Variants in SPIDR observed in about 807,000 individuals in gnomAD.
SPIDR encodes scaffold protein involved in DNA repair.
A neutral mutation model predicts 104.6 loss-of-function variants in SPIDR; 93 were observed. The ratio of observed to expected loss-of-function variants is 0.89; its 90% CI spans 0.75 to 1.06. SPIDR has a LOEUF of 1.06. Among genes scored for constraint, SPIDR ranks in the 50% least tolerant of loss-of-function variants. SPIDR has a pLI of 0.00. For synonymous variants in SPIDR, 431 were observed against 416.9 expected, an observed-to-expected ratio of 1.03 and a Z score of -0.41; for missense variants, 1,154 against 1,111.2, an observed-to-expected ratio of 1.04 and a Z score of -0.55.
chr8:47,698,179 C>T (rs528639864), intron 11 of SPIDR, among the ~76,000 whole-genome samples: 2 of 152,174 alleles, frequency 1.3e-5, no homozygotes, highest in African/African-American at 4.8e-5. Flanking sequence ...GTTTATTAAT[C>T]TTTGAAAAGA....
At position 47,396,356 on chromosome 8, in the gene SPIDR, T is replaced by G; in HGVS notation, c.526-20T>G. 2.6e-6 allele frequency: 4 copies of G among 1,551,192 alleles called. No homozygotes were observed. Among genetic ancestry groups the G allele is most frequent in the Non-Finnish European group, 3.5e-6 (4 of 1,128,112 alleles). On this transcript the variant is annotated intron_variant, in intron 5 of 19. Coordinates refer to ENST00000297423, the MANE Select transcript of SPIDR (RefSeq NM_001080394.4). The stretch of plus-strand genomic sequence containing the variant: ...ATCCTTTGTATTTAAAAATATGCCT[T>G]TCTTTTAATTTTTTTTCAGCCAAGT...
intron 8 of SPIDR, among the ~76,000 whole-genome samples, chr8:47,563,796 A>G (rs1393768730): frequency 6.6e-6 from 1 of 152,178 alleles, no homozygotes; most frequent in African/African-American, 2.4e-5. Context: ...TAAGTCAGGT[A>G]TTTGAGTTAT....
At chr8:47,582,869 CAT>C (rs58837046) in intron 8 of SPIDR, among the ~76,000 whole-genome samples, 1,617 of 124,926 alleles carry the variant, frequency 0.013, 17 homozygotes, top group Middle Eastern at 0.035. Flanking sequence ...CACACACACA[CAT>C]ATTTTTAAAA....
intron 1 of SPIDR, among the ~76,000 whole-genome samples, chr8:47,269,868 T>G (rs2034930848): frequency 6.6e-6 from 1 of 152,236 alleles, no homozygotes; most frequent in Non-Finnish European, 1.5e-5. Flanking sequence ...TACTGTGGAA[T>G]AGTTGTTGGC....
At chr8:47,588,939 T>G (rs1413445888) in intron 8 of SPIDR, among the ~76,000 whole-genome samples, 1 of 152,152 alleles carries the variant, frequency 6.6e-6, no homozygotes, top group African/African-American at 2.4e-5. Context: ...ATAACTTCTT[T>G]TATACATTGC....
chr8:47,271,022 T>C (rs1405553282), intron 1 of SPIDR, among the ~76,000 whole-genome samples: 1 of 152,228 alleles, frequency 6.6e-6, no homozygotes, highest in Non-Finnish European at 1.5e-5. Context: ...TAATGTGTAT[T>C]CTGCTGTTCC....
chr8:47,735,129 T>G (rs990346458), intron 19 of SPIDR, among the ~76,000 whole-genome samples, 178 bp from the exon 20 acceptor site: 1 of 150,824 alleles, frequency 6.6e-6, no homozygotes, highest in African/African-American at 2.5e-5. Flanking sequence ...TGTGTGTGTG[T>G]GTGTGTAGTG....
chr8:47,614,197 T>G (rs6989917), intron 10 of SPIDR, among the ~76,000 whole-genome samples: 69,781 of 151,872 alleles, frequency 0.46, 19,086 homozygotes, highest in East Asian at 0.66. Flanking sequence ...GCAAAGGACA[T>G]GATCTCGTTC....
At chr8:47,659,234 G>C (rs2073588574) in intron 10 of SPIDR, among the ~76,000 whole-genome samples, 2 of 152,170 alleles carry the variant, frequency 1.3e-5, no homozygotes, top group South Asian at 4.1e-4. Context: ...ACTCCAGCCT[G>C]GGAGACGGAG....
chr8:47,684,292 A>G (rs994760756), intron 11 of SPIDR, among the ~76,000 whole-genome samples: 3 of 152,170 alleles, frequency 2.0e-5, no homozygotes, highest in African/African-American at 7.2e-5. Context: ...CACATAACCA[A>G]GGAACACAGT....
intron 8 of SPIDR, among the ~76,000 whole-genome samples, chr8:47,474,723 G>GT (rs1172349745): frequency 6.6e-6 from 1 of 152,204 alleles, no homozygotes; most frequent in African/African-American, 2.4e-5. Flanking sequence ...AATCCTAAGG[G>GT]TTTTTTAAAG....
At chr8:47,352,231 C>T (rs753768305) in intron 5 of SPIDR, among the ~76,000 whole-genome samples, 9 of 150,334 alleles carry the variant, frequency 6.0e-5, no homozygotes, top group South Asian at 2.1e-4. Flanking sequence ...GAGCCAAGAT[C>T]GCGCTACTAC....
chr8:47,279,941 C>G lies in SPIDR; in HGVS notation c.113C>G (p.Thr38Arg). ...CAGGTCAGAAGAGCAGGTCTCAGGA[C>G]AGCAGGGGCAGCTGCCTCTCTCTCT... ...PLQVRRAGLRTAGAAASLSEA... is the reference protein window; with the variant it reads ...PLQVRRAGLRRAGAAASLSEA... The change falls in exon 2 of 20, where the codon ACA (threonine) becomes AGA (arginine). Residue 38 changes from threonine to arginine, a missense_variant. Coordinates refer to ENST00000297423, the MANE Select transcript of SPIDR (RefSeq NM_001080394.4). The G allele has an allele frequency of 5.6e-6, 9 of 1,614,156 alleles. No homozygotes were observed. The highest frequency in any genetic ancestry group is 7.6e-6 in the Non-Finnish European group (9 of 1,180,010).
intron 8 of SPIDR, among the ~76,000 whole-genome samples, chr8:47,476,017 C>G (rs1256704929): frequency 2.0e-5 from 3 of 152,128 alleles, no homozygotes; most frequent in Non-Finnish European, 4.4e-5. Context: ...GTTTTTCTTA[C>G]AGAAATTGTT....
intron 10 of SPIDR, among the ~76,000 whole-genome samples, chr8:47,671,088 A>G (rs1300832265): frequency 1.3e-5 from 2 of 151,772 alleles, no homozygotes; most frequent in African/African-American, 2.4e-5. Context: ...TTTTTTATTT[A>G]TTGTAGAGAC....
intron 1 of SPIDR, among the ~76,000 whole-genome samples, chr8:47,263,509 C>T (rs1315931601): frequency 2.6e-5 from 4 of 152,104 alleles, no homozygotes; most frequent in East Asian, 1.9e-4. Flanking sequence ...TTATTAGAGA[C>T]AGGGTTTCAC....
intron 2 of SPIDR, among the ~76,000 whole-genome samples, chr8:47,281,291 T>C (rs1400736888): frequency 6.6e-6 from 1 of 152,168 alleles, no homozygotes; most frequent in African/African-American, 2.4e-5. Context: ...TGGTTGAAGA[T>C]TGGGGTGGCT....
At chr8:47,466,886 T>TTAAAA (rs2074874421) in intron 8 of SPIDR, among the ~76,000 whole-genome samples, 2 of 47,122 alleles carry the variant, frequency 4.2e-5, no homozygotes, top group African/African-American at 1.6e-4. Context: ...TAGTTTTTTT[T>TTAAAA]GAAAAAAAAA....
rs2081081888 is a variant in SPIDR at position 47,706,343 on chromosome 8, A to G, written c.1977+4328A>G. Among the ~76,000 whole-genome samples, 11 of 152,190 alleles carry G rather than the reference A, an allele frequency of 7.2e-5. 1 individual carries two copies. In the South Asian group the frequency reaches 2.3e-3, roughly 32 times the overall value. ...GGGAGGCGGAGCTTGCAGTGAGCCA[A>G]GACCACGCCACTGCACTCCAGCCTG... On this transcript the variant is annotated intron_variant, in intron 14 of 19. Coordinates refer to ENST00000297423, the MANE Select transcript of SPIDR (RefSeq NM_001080394.4).
Sources: gnomAD v4.1 joint callset for allele counts (sites outside exome capture counted in the v4.1 genomes callset) on GRCh38, gnomAD v4.1.1 for gene constraint, MANE v1.5 for transcripts, NCBI Gene and HGNC (gene_info 2026-07-23, HGNC 2026-07-21) for gene names.